KLF8: variants seen among roughly 807,000 people sequenced by gnomAD.
The protein encoded by KLF8 is Krueppel-like factor 8.
Under a neutral mutation model 18.2 loss-of-function variants are expected in KLF8, and 10 were observed. The observed-to-expected ratio is 0.55, with a 90% CI of 0.34 to 0.93. KLF8 has a LOEUF of 0.93. Ranked by LOEUF, KLF8 falls within the 40% of genes least tolerant of loss-of-function variation. KLF8 has a pLI of 0.02. For synonymous variants in KLF8, 109 were observed against 97.3 expected, an observed-to-expected ratio of 1.12 and a Z score of -0.71; for missense variants, 264 against 277.9, an observed-to-expected ratio of 0.95 and a Z score of 0.36.
chrX:56,177,005 T>C, the KLF8 span, among the ~76,000 whole-genome samples: 1 of 111,491 alleles, frequency 9.0e-6, no homozygotes, highest in Non-Finnish European at 1.9e-5. Flanking sequence ...GCCATTCGTC[T>C]AATTTTTTTT....
the KLF8 span, among the ~76,000 whole-genome samples, chrX:56,069,994 G>A: frequency 8.9e-6 from 1 of 112,565 alleles, no homozygotes; most frequent in African/African-American, 3.2e-5. Flanking sequence ...AAGACTTGGA[G>A]CCAACCCAAA....
the KLF8 span, among the ~76,000 whole-genome samples, chrX:56,048,425 A>G: frequency 1.8e-5 from 2 of 111,819 alleles, no homozygotes; most frequent in Admixed American, 9.5e-5. Flanking sequence ...TCTTTAATCC[A>G]TCTTGAATTA....
the KLF8 span, among the ~76,000 whole-genome samples, chrX:56,157,190 A>T: frequency 1.0e-5 from 1 of 98,112 alleles, no homozygotes; most frequent in Non-Finnish European, 2.0e-5. Context: ...AACAATGAGA[A>T]CATATGGACA....
chrX:56,102,158 C>A, the KLF8 span, among the ~76,000 whole-genome samples: 1 of 111,350 alleles, frequency 9.0e-6, no homozygotes, highest in Middle Eastern at 4.7e-3. Flanking sequence ...TATTTTTAAT[C>A]TTCTGCATAT....
chrX:56,037,734 A>T, the KLF8 span, among the ~76,000 whole-genome samples: 6 of 110,315 alleles, frequency 5.4e-5, no homozygotes, highest in African/African-American at 2.0e-4. Context: ...AGATATTTTG[A>T]TATAGGCATG....
At chrX:56,021,014 A>G in the KLF8 span, among the ~76,000 whole-genome samples, 1 of 112,175 alleles carries the variant, frequency 8.9e-6, no homozygotes, top group South Asian at 3.7e-4. Context: ...GCTGATATTT[A>G]TTGTAATACA....
At chrX:55,979,050 G>T in the KLF8 span, among the ~76,000 whole-genome samples, 78 of 106,313 alleles carry the variant, frequency 7.3e-4, 1 homozygote, top group Non-Finnish European at 1.2e-3. Flanking sequence ...CTTAGTTCAA[G>T]AACTTGTAAT....
the KLF8 span, among the ~76,000 whole-genome samples, chrX:56,085,606 C>T: frequency 8.9e-5 from 10 of 112,028 alleles, no homozygotes; most frequent in African/African-American, 2.9e-4. Context: ...CTTCTAGAAA[C>T]GTACTTGTGG....
the KLF8 span, among the ~76,000 whole-genome samples, chrX:56,189,053 C>T: frequency 9.0e-6 from 1 of 111,391 alleles, no homozygotes; most frequent in South Asian, 3.8e-4. Context: ...TTCTGCACAG[C>T]AAAAGAAACT....
the KLF8 span, among the ~76,000 whole-genome samples, chrX:56,133,992 A>C: frequency 9.0e-6 from 1 of 111,174 alleles, no homozygotes; most frequent in Non-Finnish European, 1.9e-5. Context: ...AAACTACAAA[A>C]CACTGTTGAA....
intron 1 of KLF8, among the ~76,000 whole-genome samples, chrX:56,240,476 C>A (rs964243651): frequency 2.7e-5 from 3 of 111,957 alleles, no homozygotes; most frequent in African/African-American, 9.7e-5. Context: ...TGAAGAGGAT[C>A]ACATGAGATG....
chrX:56,154,127 A>C, the KLF8 span, among the ~76,000 whole-genome samples: 1 of 111,514 alleles, frequency 9.0e-6, no homozygotes, highest in African/African-American at 3.3e-5. Flanking sequence ...TCGCCAAGTC[A>C]ATCCTAAGCC....
the KLF8 span, among the ~76,000 whole-genome samples, chrX:56,199,719 T>C: frequency 2.7e-5 from 3 of 111,813 alleles, no homozygotes; most frequent in African/African-American, 9.7e-5. Flanking sequence ...GGCCCAGCAA[T>C]TCCTTTATTT....
chrX:56,186,683 A>T, the KLF8 span, among the ~76,000 whole-genome samples: 1 of 112,037 alleles, frequency 8.9e-6, no homozygotes, highest in Non-Finnish European at 1.9e-5. Flanking sequence ...TGTCTCTCAG[A>T]CCACAGTGCA....
the KLF8 span, among the ~76,000 whole-genome samples, chrX:56,190,952 A>G: frequency 4.5e-5 from 5 of 111,640 alleles, no homozygotes; most frequent in Admixed American, 2.9e-4. Flanking sequence ...AGTAGAAGAT[A>G]TACTACAGAT....
At chrX:56,019,741 T>A in the KLF8 span, among the ~76,000 whole-genome samples, 5 of 111,838 alleles carry the variant, frequency 4.5e-5, no homozygotes, top group Non-Finnish European at 9.4e-5. Flanking sequence ...AGAATAGTTA[T>A]CTTGGAGCTA....
the KLF8 span, among the ~76,000 whole-genome samples, chrX:56,172,004 TC>T: frequency 9.0e-6 from 1 of 111,698 alleles, no homozygotes. Flanking sequence ...GTAAAAGCAT[TC>T]CTATTTCTCC....
chrX:56,167,157 G>T, the KLF8 span, among the ~76,000 whole-genome samples: 2 of 111,405 alleles, frequency 1.8e-5, no homozygotes, highest in East Asian at 5.7e-4. Context: ...GGGGGATAGA[G>T]TCTTGTTCTG....
At chrX:56,067,603 A>G in the KLF8 span, among the ~76,000 whole-genome samples, 2 of 111,823 alleles carry the variant, frequency 1.8e-5, no homozygotes, top group East Asian at 2.9e-4. Context: ...AAGCTGGTCA[A>G]CAGCCAGCCT....
Sources: gnomAD v4.1 joint callset for allele counts (sites outside exome capture counted in the v4.1 genomes callset) on GRCh38, gnomAD v4.1.1 for gene constraint, MANE v1.5 for transcripts, NCBI Gene and HGNC (gene_info 2026-07-23, HGNC 2026-07-21) for gene names.